The following ZC3H7A variants were observed in gnomAD, a reference collection of about 807,000 sequenced individuals.
ZC3H7A encodes the protein zinc finger CCCH domain-containing protein 7A.
Under a neutral mutation model 125.5 loss-of-function variants are expected in ZC3H7A, and 44 were observed. The ratio of observed to expected loss-of-function variants is 0.35; its 90% CI spans 0.28 to 0.45. The LOEUF (loss-of-function observed/expected upper bound fraction) is 0.45, where lower values mean the gene tolerates loss of function less well. Among genes scored for constraint, ZC3H7A ranks in the 20% least tolerant of loss-of-function variants. The probability of loss-of-function intolerance (pLI) is 1.00; values close to 1 mark genes in which losing one functional copy is unlikely to be tolerated. For synonymous variants in ZC3H7A, 399 were observed against 391.2 expected, an observed-to-expected ratio of 1.02 and a Z score of -0.23; for missense variants, 977 against 1,170.7, an observed-to-expected ratio of 0.83 and a Z score of 2.41.
chr16:11,771,548 T>A (rs1308818229), intron 9 of ZC3H7A, among the ~76,000 whole-genome samples: 2 of 152,010 alleles, frequency 1.3e-5, no homozygotes, highest in Admixed American at 6.6e-5. Flanking sequence ...TCACCCAGGC[T>A]GGAGTACAGT....
intron 1 of ZC3H7A, among the ~76,000 whole-genome samples, chr16:11,786,428 A>C (rs1193118356): frequency 5.4e-4 from 83 of 152,310 alleles, no homozygotes; most frequent in Non-Finnish European, 7.9e-4. Context: ...TTGACTCAAA[A>C]AGTTAATCTG....
intron 21 of ZC3H7A, among the ~76,000 whole-genome samples, chr16:11,755,707 G>C (rs957277650): frequency 6.6e-6 from 1 of 152,140 alleles, no homozygotes; most frequent in Non-Finnish European, 1.5e-5. Flanking sequence ...CCAGGACTTG[G>C]ACTTATGATT....
At chr16:11,752,465 C>G (rs900236007) in intron 22 of ZC3H7A, among the ~76,000 whole-genome samples, 3 of 152,170 alleles carry the variant, frequency 2.0e-5, no homozygotes, top group Admixed American at 6.6e-5. Context: ...ACTATTAAAT[C>G]TTTTCATATA....
At chr16:11,790,011 G>C (rs540226628) in intron 1 of ZC3H7A, among the ~76,000 whole-genome samples, 56 of 150,098 alleles carry the variant, frequency 3.7e-4, no homozygotes, top group African/African-American at 1.3e-3. Context: ...AACCCGGGAG[G>C]TGCAGGCTGC....
chr16:11,779,986 T>C (rs1481683181), intron 3 of ZC3H7A, among the ~76,000 whole-genome samples: 1 of 152,192 alleles, frequency 6.6e-6, no homozygotes, highest in East Asian at 1.9e-4. Flanking sequence ...ATTGCTCAGG[T>C]CATTTACTGA....
chr16:11,754,310 G>GAAAAA (rs1246819697), intron 21 of ZC3H7A, among the ~76,000 whole-genome samples: 1 of 74,876 alleles, frequency 1.3e-5, no homozygotes, highest in African/African-American at 7.9e-5. Flanking sequence ...AAAAAAAAAG[G>GAAAAA]AAGAAAAAAA....
intron 1 of ZC3H7A, among the ~76,000 whole-genome samples, chr16:11,791,088 AACACACACACACACACAC>A (rs34972921): frequency 2.5e-4 from 34 of 136,012 alleles, no homozygotes; most frequent in African/African-American, 4.8e-4. Context: ...AAATTTTTAA[AACACACACACACACACAC>A]ACACACACAC....
rs1245742710 is a variant in ZC3H7A, at chr16:11,761,943, T to G, written c.2180A>C (p.Asn727Thr). The G allele has an allele frequency of 6.2e-7, 1 of 1,613,342 alleles. No individual in the cohort carries two copies. Among genetic ancestry groups the G allele is most frequent in the Non-Finnish European group, 8.5e-7 (1 of 1,179,872 alleles). The change falls in exon 18 of 23, where the codon AAC becomes ACC. Residue 727 changes from asparagine to threonine, a missense_variant. Asn to Thr is a moderately conservative substitution (Grantham distance 65). Coordinates refer to ENST00000355758, the MANE Select transcript of ZC3H7A (RefSeq NM_014153.4). ...TGCTTTTGCACTACAATATTTTCTGTTTTTGTCTGGTTCAATGACTTGACC... is the reference window on the plus strand; with the variant it reads ...TGCTTTTGCACTACAATATTTTCTGGTTTTGTCTGGTTCAATGACTTGACC... ...RNGQVIEPDKNRKYCSAKARH... is the reference protein window; with the variant it reads ...RNGQVIEPDKTRKYCSAKARH...
At chr16:11,777,042 C>A in intron 4 of ZC3H7A, 133 bp from the exon 5 acceptor site, 1 of 642,908 alleles carries the variant, frequency 1.6e-6, no homozygotes, top group Non-Finnish European at 2.4e-6. Context: ...AGCAGTATTA[C>A]TTTTATTTTT....
intron 1 of ZC3H7A, among the ~76,000 whole-genome samples, chr16:11,783,993 G>A (rs1228294372): frequency 1.3e-5 from 2 of 149,232 alleles, no homozygotes; most frequent in African/African-American, 4.9e-5. Context: ...GGGGGGGGCT[G>A]TGAGGTGGGG....
chr16:11,763,859 A>C (rs1403019460), intron 15 of ZC3H7A, among the ~76,000 whole-genome samples, 200 bp from the exon 16 acceptor site: 1 of 144,506 alleles, frequency 6.9e-6, no homozygotes, highest in Non-Finnish European at 1.5e-5. Flanking sequence ...GCTGGAGTGC[A>C]GTGGCGCGAT....
chr16:11,791,603 T>C (rs2053352976), intron 1 of ZC3H7A, among the ~76,000 whole-genome samples: 1 of 152,204 alleles, frequency 6.6e-6, no homozygotes, highest in African/African-American at 2.4e-5. Context: ...GTAAAGAGAA[T>C]GCCTCATACA....
chr16:11,757,979 C>T (rs1401306474), intron 20 of ZC3H7A, among the ~76,000 whole-genome samples: 1 of 152,142 alleles, frequency 6.6e-6, no homozygotes, highest in Non-Finnish European at 1.5e-5. Context: ...TGGAATTTGA[C>T]CAAAATAAAC....
chr16:11,772,516 G>A (rs1261410849), intron 9 of ZC3H7A, among the ~76,000 whole-genome samples: 1 of 151,728 alleles, frequency 6.6e-6, no homozygotes, highest in African/African-American at 2.4e-5. Flanking sequence ...GCACTATGAT[G>A]AAGTAACTTG....
rs578251390 is a variant in ZC3H7A, at chr16:11,776,571, T to C, written c.466-39A>G. 23 of 1,556,748 alleles carry C rather than the reference T, an allele frequency of 1.5e-5. No individual in the cohort carries two copies. In the South Asian group the frequency reaches 2.6e-4, roughly 18 times the overall value. On this transcript the variant is annotated intron_variant, in intron 5 of 22. Transcript: ENST00000355758. ...GTATGTATAATTAACAGGGTTATAT[T>C]TACTAATGGTGAAGAAGAATAGACA...
At chr16:11,768,645 T>C (rs2052911773) in intron 11 of ZC3H7A, 144 bp from the exon 12 acceptor site, 1 of 735,640 alleles carries the variant, frequency 1.4e-6, no homozygotes, top group Non-Finnish European at 1.9e-6. Flanking sequence ...TGCTCTTCTA[T>C]CTTAAAAACT....
At chr16:11,793,462 G>GT (rs1376835531) in intron 1 of ZC3H7A, among the ~76,000 whole-genome samples, 1 of 149,456 alleles carries the variant, frequency 6.7e-6, no homozygotes, top group Non-Finnish European at 1.5e-5. Context: ...GAGGCCAGGA[G>GT]TTTGAGGTCA....
intron 7 of ZC3H7A, 25 bp downstream of exon 7, chr16:11,776,295 A>C: frequency 6.3e-7 from 1 of 1,588,468 alleles, no homozygotes; most frequent in Non-Finnish European, 8.5e-7. Context: ...AAAAAATATA[A>C]TTTTGACAGA....
chr16:11,752,971 G>T, intron 21 of ZC3H7A, 139 bp from the exon 22 acceptor site: 1 of 1,011,716 alleles, frequency 9.9e-7, no homozygotes, highest in Non-Finnish European at 1.4e-6. Context: ...AAGGACCACA[G>T]CATGGGGAAG....
Sources: gnomAD v4.1 joint callset for allele counts (sites outside exome capture counted in the v4.1 genomes callset) on GRCh38, gnomAD v4.1.1 for gene constraint, MANE v1.5 for transcripts, NCBI Gene and HGNC (gene_info 2026-07-23, HGNC 2026-07-21) for gene names.